Variants in ATP10A observed in about 807,000 individuals in gnomAD.
ATP10A encodes the protein ATPase phospholipid transporting 10A (putative).
Under a neutral mutation model 147.8 loss-of-function variants are expected in ATP10A, and 111 were observed. The ratio of observed to expected loss-of-function variants is 0.75; its 90% confidence interval spans 0.64 to 0.88. The LOEUF (loss-of-function observed/expected upper bound fraction) is 0.88, where lower values mean the gene tolerates loss of function less well. Among genes scored for constraint, ATP10A ranks in the 40% least tolerant of loss-of-function variants. The probability of loss-of-function intolerance (pLI) is 0.00; values close to 1 mark genes in which losing one functional copy is unlikely to be tolerated. For synonymous variants in ATP10A, 875 were observed against 841.6 expected (o/e 1.04, Z -0.69); for missense variants, 1,927 against 1,959.0 (o/e 0.98, Z 0.31).
Position 25,679,839 on chromosome 15 carries a change from C to G in ATP10A, c.4002G>C (p.Ser1334=). 6.2e-7 allele frequency: 1 copy of G among 1,611,282 alleles called. No homozygotes were observed. The change falls in exon 21 of 21, where the codon TCG becomes TCC. Residue 1334 remains serine, a synonymous_variant. Coordinates refer to ENST00000555815, the MANE Select transcript of ATP10A (RefSeq NM_024490.4). ...TFAQGRLPKD[S]GTEHSSGRTV... ...TCCTCCCTGATGAGTGCTCGGTTCC[C>G]GAGTCCTTCGGGAGGCGTCCCTGAG...
chr15:25,716,716 C>A lies in ATP10A; in HGVS notation c.1776+14G>T, dbSNP rs1464124507. Reference sequence around the variant, plus strand: ...GAAGGTCAAGGTCAAGCTCAGGGACCCTCCAGAACTTGCCTTTGTTCGTGG... The same window carrying A: ...GAAGGTCAAGGTCAAGCTCAGGGACACTCCAGAACTTGCCTTTGTTCGTGG... On this transcript the variant is annotated intron_variant, in intron 9 of 20. Transcript: ENST00000555815. 1 of 1,547,206 alleles carries A rather than the reference C, an allele frequency of 6.5e-7. No individual in the cohort carries two copies. The highest frequency in any genetic ancestry group is 1.4e-5 in the African/African-American group (1 of 72,636).
At chr15:25,791,932 C>G (rs1251636451) in intron 1 of ATP10A, among the ~76,000 whole-genome samples, 1 of 152,032 alleles carries the variant, frequency 6.6e-6, no homozygotes, top group Non-Finnish European at 1.5e-5. Context: ...CACCTATGTC[C>G]CTGTATTATA....
chr15:25,739,094 A>G (rs1037891330), intron 2 of ATP10A, among the ~76,000 whole-genome samples: 20 of 152,182 alleles, frequency 1.3e-4, no homozygotes, highest in Non-Finnish European at 2.6e-4. Context: ...TTTGAGACAG[A>G]GTTCTGCTCC....
At chr15:25,788,538 A>G (rs538138777) in intron 1 of ATP10A, among the ~76,000 whole-genome samples, 58 of 152,292 alleles carry the variant, frequency 3.8e-4, no homozygotes, top group African/African-American at 1.3e-3. Flanking sequence ...CACTATTTTG[A>G]CTTCACATCT....
At chr15:25,821,306 T>C (rs1891869931) in intron 1 of ATP10A, among the ~76,000 whole-genome samples, 1 of 151,930 alleles carries the variant, frequency 6.6e-6, no homozygotes, top group African/African-American at 2.4e-5. Flanking sequence ...GGAGGATCAC[T>C]GCAGCCCGGG....
Position 25,821,405 on chromosome 15 carries a change from A to ATC in ATP10A, c.450-40183_450-40182insGA, listed in dbSNP as rs1453946374. ...GACCCTGTCTCAAAAAAAACAAAAA[A>ATC]AAAAACAAACAAAAAAAGCATATGG... On this transcript the variant is annotated intron_variant, in intron 1 of 20. Transcript: ENST00000555815. Among the ~76,000 whole-genome samples, 88 of 129,682 alleles carry ATC rather than the reference A, an allele frequency of 6.8e-4. 1 individual carries two copies. Among genetic ancestry groups the ATC allele is most frequent in the Non-Finnish European group, 2.3e-4 (14 of 62,214 alleles). The allele number at this position is 129,682 out of a possible 152,430, so 85.1% of individuals were successfully genotyped here. A position where few individuals can be genotyped will look rare whatever the true frequency, so the allele number is the denominator to read the frequency against.
At chr15:25,758,641 CCTAA>C (rs201214913) in intron 2 of ATP10A, among the ~76,000 whole-genome samples, 198 of 34,308 alleles carry the variant, frequency 5.8e-3, no homozygotes, top group Admixed American at 9.8e-3. Context: ...CCTGCTCCAC[CCTAA>C]CTCATTCCGA....
At chr15:25,756,628 G>A (rs1208068927) in intron 2 of ATP10A, among the ~76,000 whole-genome samples, 2 of 141,296 alleles carry the variant, frequency 1.4e-5, no homozygotes, top group Non-Finnish European at 3.1e-5. Flanking sequence ...GGGCCACAGA[G>A]CAAGACTCCA....
intron 3 of ATP10A, among the ~76,000 whole-genome samples, chr15:25,730,273 G>A (rs1902887228): frequency 6.7e-6 from 1 of 149,680 alleles, no homozygotes; most frequent in African/African-American, 2.5e-5. Context: ...CTGCACTACA[G>A]CCTGGGCAAC....
chr15:25,788,763 G>C (rs1325145418), intron 1 of ATP10A, among the ~76,000 whole-genome samples: 2 of 152,186 alleles, frequency 1.3e-5, no homozygotes, highest in Non-Finnish European at 2.9e-5. Flanking sequence ...GGAGAACACA[G>C]ACAGTACTGC....
intron 5 of ATP10A, among the ~76,000 whole-genome samples, chr15:25,724,601 G>T (rs73362980): frequency 0.021 from 3,122 of 152,262 alleles, 95 homozygotes; most frequent in African/African-American, 0.071. Flanking sequence ...AGCCCTACAT[G>T]GAACCTAACT....
chr15:25,786,299 C>T (rs980377586), intron 1 of ATP10A, among the ~76,000 whole-genome samples: 1 of 152,214 alleles, frequency 6.6e-6, no homozygotes. Flanking sequence ...CCTTCACCTC[C>T]CACGGCCGAG....
chr15:25,752,847 TTA>T (rs1185547345), intron 2 of ATP10A, among the ~76,000 whole-genome samples: 3 of 152,232 alleles, frequency 2.0e-5, no homozygotes, highest in Non-Finnish European at 4.4e-5. Context: ...CAGCAACGTT[TTA>T]TAGTTTTCAG....
At chr15:25,707,166 C>A (rs1392405975) in intron 12 of ATP10A, among the ~76,000 whole-genome samples, 2 of 152,138 alleles carry the variant, frequency 1.3e-5, no homozygotes, top group Non-Finnish European at 2.9e-5. Flanking sequence ...TAAATGCAAA[C>A]CTTAACTATG....
intron 1 of ATP10A, among the ~76,000 whole-genome samples, chr15:25,848,340 G>A (rs1279730108): frequency 1.3e-5 from 2 of 152,064 alleles, no homozygotes; most frequent in Non-Finnish European, 2.9e-5. Context: ...CCAGGCTGGA[G>A]TGCAGTAGCA....
intron 16 of ATP10A, among the ~76,000 whole-genome samples, chr15:25,685,206 T>A (rs1388414320): frequency 6.6e-6 from 1 of 152,238 alleles, no homozygotes; most frequent in Non-Finnish European, 1.5e-5. Context: ...GGCCACCTTA[T>A]TCCTAAAACT....
chr15:25,764,785 A>G (rs1042976175), intron 2 of ATP10A, among the ~76,000 whole-genome samples: 32 of 152,188 alleles, frequency 2.1e-4, no homozygotes, highest in African/African-American at 5.5e-4. Flanking sequence ...AAGGGTTATC[A>G]CTCAGCCTAT....
intron 2 of ATP10A, among the ~76,000 whole-genome samples, chr15:25,755,182 T>C (rs553735456): frequency 6.6e-5 from 10 of 152,172 alleles, no homozygotes; most frequent in South Asian, 2.1e-4. Context: ...TAGACAGAAA[T>C]AGAGCTCAGG....
At chr15:25,683,540 G>A in intron 16 of ATP10A, 54 bp from the exon 17 acceptor site, 1 of 1,522,668 alleles carries the variant, frequency 6.6e-7, no homozygotes. Flanking sequence ...CATTGCTGAG[G>A]ATTCTCATCC....
Sources: allele counts gnomAD v4.1 joint callset (sites outside exome capture counted in the v4.1 genomes callset), GRCh38; gene constraint gnomAD v4.1.1; transcripts MANE v1.5; gene names NCBI Gene and HGNC (gene_info 2026-07-23, HGNC 2026-07-21).